The following GMDS variants were observed in gnomAD, a reference collection of about 807,000 sequenced individuals.
GMDS encodes GDP-mannose 4,6-dehydratase.
GMDS carries 20 observed loss-of-function variants against 49.9 expected under a neutral mutation model. The ratio of observed to expected loss-of-function variants is 0.40; its 90% CI spans 0.28 to 0.58. GMDS has a LOEUF of 0.58. GMDS is among the 20% of genes least tolerant of loss of function. GMDS has a pLI of 0.42. For synonymous variants in GMDS, 177 were observed against 178.6 expected (o/e 0.99, Z 0.07); for missense variants, 362 against 481.4 (o/e 0.75, Z 2.32).
chr6:1,783,045 C>G (rs538269219), intron 7 of GMDS, among the ~76,000 whole-genome samples: 12 of 152,054 alleles, frequency 7.9e-5, no homozygotes, highest in African/African-American at 2.9e-4. Flanking sequence ...GTCCCAGCTA[C>G]TCTGGAAGCT....
intron 4 of GMDS, among the ~76,000 whole-genome samples, chr6:2,060,171 G>A (rs1771060052): frequency 6.6e-6 from 1 of 152,070 alleles, no homozygotes; most frequent in Admixed American, 6.6e-5. Context: ...GGGATCACTT[G>A]TCCAGCCTCC....
chr6:1,774,518 A>G (rs1430531600), intron 7 of GMDS, among the ~76,000 whole-genome samples: 1 of 152,238 alleles, frequency 6.6e-6, no homozygotes, highest in East Asian at 1.9e-4. Context: ...GTGTTATTAA[A>G]GTGGATTAGG....
chr6:2,177,523 G>A (rs892439289), intron 1 of GMDS, among the ~76,000 whole-genome samples: 2 of 152,130 alleles, frequency 1.3e-5, no homozygotes, highest in Admixed American at 1.3e-4. Context: ...TTTCTGAAAT[G>A]CCAGATTGGT....
At chr6:1,902,323 G>C (rs1450461604) in intron 7 of GMDS, among the ~76,000 whole-genome samples, 1 of 152,176 alleles carries the variant, frequency 6.6e-6, no homozygotes, top group Non-Finnish European at 1.5e-5. Context: ...TATGGACTAA[G>C]TAATAAAGCA....
intron 4 of GMDS, among the ~76,000 whole-genome samples, chr6:2,005,636 G>C (rs1456422983): frequency 6.6e-6 from 1 of 152,060 alleles, no homozygotes; most frequent in Non-Finnish European, 1.5e-5. Flanking sequence ...CATTAATCCA[G>C]TACAACCTAC....
At chr6:2,153,564 AATGAACTCATAAACAG>A (rs1265873302) in intron 1 of GMDS, among the ~76,000 whole-genome samples, 1 of 152,176 alleles carries the variant, frequency 6.6e-6, no homozygotes, top group Non-Finnish European at 1.5e-5. Context: ...TTCATATATA[AATGAACTCATAAACAG>A]ATTTACAGGC....
intron 4 of GMDS, among the ~76,000 whole-genome samples, chr6:1,999,917 A>AAAAT (rs1766561049): frequency 1.0e-5 from 1 of 97,100 alleles, no homozygotes; most frequent in African/African-American, 3.8e-5. Context: ...TATATATTAT[A>AAAAT]TACATATTAT....
At chr6:2,070,720 G>T (rs1282638784) in intron 4 of GMDS, among the ~76,000 whole-genome samples, 3 of 151,926 alleles carry the variant, frequency 2.0e-5, no homozygotes, top group Non-Finnish European at 4.4e-5. Context: ...GAAACTCCAG[G>T]GTCCCAGGAC....
intron 1 of GMDS, among the ~76,000 whole-genome samples, chr6:2,233,984 T>C (rs1320556772): frequency 2.0e-5 from 3 of 152,226 alleles, no homozygotes; most frequent in African/African-American, 7.2e-5. Context: ...GAACTCCAGA[T>C]GTCATTCAAT....
intron 4 of GMDS, among the ~76,000 whole-genome samples, chr6:2,002,655 T>C (rs2127384001): frequency 6.6e-6 from 1 of 152,300 alleles, no homozygotes; most frequent in African/African-American, 2.4e-5. Context: ...TTCATAATAA[T>C]TTCAAACCAC....
chr6:2,229,118 A>ATCAC (rs1004365700), intron 1 of GMDS, among the ~76,000 whole-genome samples: 1 of 152,232 alleles, frequency 6.6e-6, no homozygotes, highest in African/African-American at 2.4e-5. Flanking sequence ...GCATCAGCCA[A>ATCAC]TCACTGTCCA....
At chr6:2,037,452 C>T (rs1412071361) in intron 4 of GMDS, among the ~76,000 whole-genome samples, 1 of 152,152 alleles carries the variant, frequency 6.6e-6, no homozygotes, top group Non-Finnish European at 1.5e-5. Context: ...ACTCCCAGGA[C>T]AGAGAAGCAG....
chr6:1,704,868 G>C (rs1328597730), intron 9 of GMDS, among the ~76,000 whole-genome samples: 3 of 150,280 alleles, frequency 2.0e-5, no homozygotes, highest in Admixed American at 6.7e-5. Context: ...GGGGGCGGGG[G>C]TGAGGGGTGT....
intron 7 of GMDS, among the ~76,000 whole-genome samples, chr6:1,895,815 C>T (rs1426414991): frequency 1.3e-5 from 2 of 152,162 alleles, no homozygotes; most frequent in Admixed American, 1.3e-4. Context: ...TAACCAGAAC[C>T]ACCAGATACA....
At chr6:1,954,754 C>T (rs185968636) in intron 6 of GMDS, among the ~76,000 whole-genome samples, 2 of 152,256 alleles carry the variant, frequency 1.3e-5, no homozygotes, top group Admixed American at 6.5e-5. Flanking sequence ...CTTGCTATTT[C>T]CCCCACATCT....
Position 1,979,104 on chromosome 6 carries a change from C to T in GMDS, c.346-18138G>A, listed in dbSNP as rs531838580. Among the ~76,000 whole-genome samples the T allele has an allele frequency of 9.4e-4, 143 of 152,276 alleles. 2 individuals are homozygous for T. Among genetic ancestry groups the T allele is most frequent in the African/African-American group, 3.3e-3 (138 of 41,564 alleles). On this transcript the variant is annotated intron_variant, in intron 4 of 10. Transcript: ENST00000380815. ...ACAAAGATGAGAAAAAAAATCAACA[C>T]AAAAACTCTGAAAACTCAATAATCT...
In GMDS at chr6:2,245,531, G is replaced by C. The variant is rs1424091129; in HGVS notation, c.-109C>G. 1.9e-6 allele frequency: 1 copy of C among 534,002 alleles called. No homozygotes were observed. The highest frequency in any genetic ancestry group is 3.0e-6 in the Non-Finnish European group (1 of 338,586). 33.1% of individuals were successfully genotyped at this position (534,002 alleles called of 1,614,324 possible). ...AGCACGAAGCGCCTCTCCAGGCTGC[G>C]GGCAGGGAGGGAGAGCGCACCGCGC... On this transcript the variant is annotated 5_prime_UTR_variant, in exon 1 of 11. Coordinates refer to ENST00000380815, the MANE Select transcript of GMDS (RefSeq NM_001500.4).
At chr6:2,124,587 G>C in intron 2 of GMDS, 100 bp downstream of exon 2, 1 of 887,794 alleles carries the variant, frequency 1.1e-6, no homozygotes, top group Non-Finnish European at 1.9e-6. Flanking sequence ...CTGCGTTTCA[G>C]TGGAAAACAC....
chr6:2,203,767 A>G (rs1347386954), intron 1 of GMDS, among the ~76,000 whole-genome samples: 1 of 152,210 alleles, frequency 6.6e-6, no homozygotes, highest in Non-Finnish European at 1.5e-5. Flanking sequence ...AGGTGGGTAC[A>G]TTTTAGTAGA....
Sources: allele counts gnomAD v4.1 joint callset (sites outside exome capture counted in the v4.1 genomes callset), GRCh38; gene constraint gnomAD v4.1.1; transcripts MANE v1.5; gene names NCBI Gene and HGNC (gene_info 2026-07-23, HGNC 2026-07-21).